Variants in PCDHA13 observed in about 807,000 individuals in gnomAD.
The protein encoded by PCDHA13 is protocadherin alpha-13.
A neutral mutation model predicts 64.8 loss-of-function variants in PCDHA13; 54 were observed. The observed-to-expected ratio is 0.83, with a 90% CI of 0.67 to 1.04. The LOEUF is 1.04. Ranked by LOEUF, PCDHA13 falls within the 50% of genes least tolerant of loss-of-function variation. The pLI, the probability that PCDHA13 is intolerant of heterozygous loss-of-function variation, is 0.00. For synonymous variants in PCDHA13, 587 were observed against 564.4 expected, an observed-to-expected ratio of 1.04 and a Z score of -0.57; for missense variants, 1,248 against 1,254.3, an observed-to-expected ratio of 0.99 and a Z score of 0.08.
At chr5:140,891,371 T>G (rs1483919316) in intron 1 of PCDHA13, among the ~76,000 whole-genome samples, 1 of 152,146 alleles carries the variant, frequency 6.6e-6, no homozygotes, top group African/African-American at 2.4e-5. Context: ...CAGTATACAT[T>G]GCACCATATT....
rs183230708 is a variant in PCDHA13, at chr5:140,914,004, A to G, written c.2394+29342A>G. Among the ~76,000 whole-genome samples, 112 of 152,288 alleles carry G rather than the reference A, an allele frequency of 7.4e-4. 1 individual carries two copies. Among genetic ancestry groups the G allele is most frequent in the Middle Eastern group, 6.8e-3 (2 of 294 alleles). On this transcript the variant is annotated intron_variant, in intron 1 of 3. Coordinates refer to ENST00000289272, the MANE Select transcript of PCDHA13 (RefSeq NM_018904.3). ...TTGTATTGTGACTAGCATATGGTCT[A>G]TCTTTGAGAATGATCCACGTGCTGA...
Position 140,884,628 on chromosome 5 carries a change from G to A in PCDHA13, c.2360G>A (p.Gly787Asp), listed in dbSNP as rs2153405760. ...PPCLGSAEGT[G>D]QREEDSECLK... The stretch of plus-strand genomic sequence containing the variant: ...TGTCTGGGTTCTGCAGAGGGAACAG[G>A]CCAGAGGGAGGAGGACTCAGAATGC... Residue 787 changes from glycine to aspartate, a missense_variant, in exon 1 of 4, where the codon GGC becomes GAC. Coordinates refer to ENST00000289272, the MANE Select transcript of PCDHA13 (RefSeq NM_018904.3). The A allele has an allele frequency of 1.9e-6, 3 of 1,612,722 alleles. No individual in the cohort carries two copies. Among genetic ancestry groups the A allele is most frequent in the Non-Finnish European group, 2.5e-6 (3 of 1,179,494 alleles).
At chr5:140,968,256 A>G (rs782309414) in intron 1 of PCDHA13, 2 of 1,614,006 alleles carry the variant, frequency 1.2e-6, no homozygotes, top group East Asian at 4.5e-5. Flanking sequence ...ACAGACCCAG[A>G]TGAAAAGGAG....
intron 1 of PCDHA13, among the ~76,000 whole-genome samples, chr5:140,924,692 C>T (rs1421659285): frequency 2.0e-5 from 3 of 151,910 alleles, no homozygotes; most frequent in Admixed American, 6.6e-5. Flanking sequence ...GTCAGGAGTT[C>T]GAGACCAGCT....
At position 140,928,265 on chromosome 5, in the gene PCDHA13, A is replaced by G. The variant is rs1208273188; in HGVS notation, c.2394+43603A>G. ...CAGGAACTTTTCGTTGCTGAAAACA[A>G]TGGCCCTGGGGCCTCTCTAGGCCGA... On this transcript the variant is annotated intron_variant, in intron 1 of 3. Coordinates refer to ENST00000289272, the MANE Select transcript of PCDHA13 (RefSeq NM_018904.3). The G allele has an allele frequency of 3.1e-6, 5 of 1,614,188 alleles. No individual in the cohort carries two copies. In the South Asian group the frequency reaches 3.3e-5, roughly 11 times the overall value.
chr5:140,892,417 G>A lies in PCDHA13; in HGVS notation c.2394+7755G>A, dbSNP rs78605430. 5.2e-3 allele frequency among the ~76,000 whole-genome samples: 785 copies of A among 152,216 alleles called. 8 individuals are homozygous for A. Among genetic ancestry groups the A allele is most frequent in the Non-Finnish European group, 8.7e-3 (594 of 68,002 alleles). ...TCTATTTCAAGCTTCAGGTATTCTA[G>A]ATAAAACCTCATTATCTAAAATTTA... On this transcript the variant is annotated intron_variant, in intron 1 of 3. Transcript: ENST00000289272.
In PCDHA13 at chr5:140,884,622, G is replaced by A. The variant is rs781857198; in HGVS notation, c.2354G>A (p.Gly785Glu). 1 of 1,613,948 alleles carries A rather than the reference G, an allele frequency of 6.2e-7. No individual in the cohort carries two copies. The highest frequency in any genetic ancestry group is 8.5e-7 in the Non-Finnish European group (1 of 1,179,892). ...CCTCCTTGTCTGGGTTCTGCAGAGG[G>A]AACAGGCCAGAGGGAGGAGGACTCA... is the stretch of plus-strand genomic sequence containing the variant. Reference protein sequence around the residue: ...SLPPCLGSAEGTGQREEDSEC... With the variant: ...SLPPCLGSAEETGQREEDSEC... Residue 785 changes from glycine (G) to glutamate (E), a missense_variant, in exon 1 of 4, where the codon GGA (glycine) becomes GAA (glutamate). Coordinates refer to ENST00000289272, the MANE Select transcript of PCDHA13 (RefSeq NM_018904.3).
At chr5:140,967,042 G>A (rs781848948) in intron 1 of PCDHA13, 1 of 1,611,904 alleles carries the variant, frequency 6.2e-7, no homozygotes, top group Admixed American at 1.7e-5. Flanking sequence ...ACCTGGAGCT[G>A]GACCTGACGA....
chr5:140,934,152 T>C (rs2089672287), intron 1 of PCDHA13, among the ~76,000 whole-genome samples: 1 of 152,190 alleles, frequency 6.6e-6, no homozygotes. Context: ...TATATGTTTA[T>C]ATTTCAGTGT....
chr5:140,928,297 G>A, intron 1 of PCDHA13: 1 of 1,614,112 alleles, frequency 6.2e-7, no homozygotes, highest in Non-Finnish European at 8.5e-7. Flanking sequence ...CCGAGTGTTT[G>A]CCCAGGACCC....
At chr5:140,958,547 A>C (rs528303266) in intron 1 of PCDHA13, among the ~76,000 whole-genome samples, 3 of 152,308 alleles carry the variant, frequency 2.0e-5, no homozygotes, top group East Asian at 3.9e-4. Flanking sequence ...TTTATGAACC[A>C]ATAAATGTTT....
chr5:140,910,142 A>T (rs535162246), intron 1 of PCDHA13, among the ~76,000 whole-genome samples: 1 of 152,326 alleles, frequency 6.6e-6, no homozygotes, highest in South Asian at 2.1e-4. Context: ...TTAAGTCTGG[A>T]AATTGATTGA....
intron 3 of PCDHA13, among the ~76,000 whole-genome samples, chr5:140,996,029 C>T (rs915903807): frequency 6.6e-6 from 1 of 152,184 alleles, no homozygotes; most frequent in Admixed American, 6.5e-5. Context: ...GTTTAATGCT[C>T]CTAGCACTTA....
chr5:140,911,745 A>G (rs573838491), intron 1 of PCDHA13, among the ~76,000 whole-genome samples: 7 of 151,408 alleles, frequency 4.6e-5, no homozygotes, highest in Non-Finnish European at 1.0e-4. Flanking sequence ...AAGGACTATC[A>G]GTGTTCTCCA....
At chr5:140,908,578 G>C (rs2074039304) in intron 1 of PCDHA13, among the ~76,000 whole-genome samples, 1 of 152,196 alleles carries the variant, frequency 6.6e-6, no homozygotes, top group South Asian at 2.1e-4. Flanking sequence ...CAAAAGGAGA[G>C]TAGTTAGCTG....
chr5:140,955,175 A>G (rs1212192227), intron 1 of PCDHA13, among the ~76,000 whole-genome samples: 1 of 152,058 alleles, frequency 6.6e-6, no homozygotes, highest in Non-Finnish European at 1.5e-5. Flanking sequence ...TGGTTACTGT[A>G]GTTTTGTGGT....
chr5:140,968,208 AC>A, intron 1 of PCDHA13: 1 of 1,614,022 alleles, frequency 6.2e-7, no homozygotes, highest in Non-Finnish European at 8.5e-7. Context: ...ATACAGGAGA[AC>A]AATTTGCCAG....
intron 1 of PCDHA13, among the ~76,000 whole-genome samples, chr5:140,953,094 C>A (rs2094845891): frequency 6.6e-6 from 1 of 152,172 alleles, no homozygotes; most frequent in South Asian, 2.1e-4. Flanking sequence ...TACAATTTGA[C>A]ATGAGATTTG....
rs1246720296 is a variant in PCDHA13, at chr5:140,996,308, AAGGGGGG to A, written c.2543-13314_2543-13308del. 2.6e-5 allele frequency among the ~76,000 whole-genome samples: 4 copies of A among 152,358 alleles called. No individual in the cohort carries two copies. The East Asian group carries it at 5.8e-4, about 22-fold the overall frequency. On this transcript the variant is annotated intron_variant, in intron 3 of 3. Coordinates refer to ENST00000289272, the MANE Select transcript of PCDHA13 (RefSeq NM_018904.3). ...CAAGAAGCACAGATTGTAACAAAGT[AAGGGGGG>A]AGGGTAGAGAAGAAAAGTTTGAAAA... is the stretch of plus-strand genomic sequence containing the variant.
Sources: gnomAD v4.1 joint callset for allele counts (sites outside exome capture counted in the v4.1 genomes callset) on GRCh38, gnomAD v4.1.1 for gene constraint, MANE v1.5 for transcripts, NCBI Gene and HGNC (gene_info 2026-07-23, HGNC 2026-07-21) for gene names.